Variants in EXOC6B observed in about 807,000 individuals in gnomAD.
The protein encoded by EXOC6B is exocyst complex component 6B.
A neutral mutation model predicts 113.5 loss-of-function variants in EXOC6B; 54 were observed. The ratio of observed to expected loss-of-function variants is 0.48; its 90% confidence interval spans 0.38 to 0.60. The LOEUF (loss-of-function observed/expected upper bound fraction) is 0.60, where lower values mean the gene tolerates loss of function less well. Ranked by LOEUF, EXOC6B falls within the 20% of genes least tolerant of loss-of-function variation. The pLI is 0.00. For synonymous variants in EXOC6B, 357 were observed against 339.0 expected, an observed-to-expected ratio of 1.05 and a Z score of -0.58; for missense variants, 797 against 977.5, an observed-to-expected ratio of 0.82 and a Z score of 2.46.
intron 17 of EXOC6B, among the ~76,000 whole-genome samples, chr2:72,470,253 T>C (rs1234176399): frequency 6.6e-6 from 1 of 152,188 alleles, no homozygotes; most frequent in Non-Finnish European, 1.5e-5. Flanking sequence ...CTTCCGTTTC[T>C]TTCATCAGTG....
At chr2:72,298,285 A>T (rs879746060) in intron 20 of EXOC6B, among the ~76,000 whole-genome samples, 1 of 152,018 alleles carries the variant, frequency 6.6e-6, no homozygotes, top group Non-Finnish European at 1.5e-5. Context: ...AGTCTGTTTT[A>T]TCAGAGACTA....
At chr2:72,279,977 G>T (rs1412375549) in intron 20 of EXOC6B, among the ~76,000 whole-genome samples, 1 of 151,944 alleles carries the variant, frequency 6.6e-6, no homozygotes, top group Non-Finnish European at 1.5e-5. Flanking sequence ...CATGACTGAG[G>T]AATAACAACA....
intron 2 of EXOC6B, among the ~76,000 whole-genome samples, chr2:72,741,028 C>T (rs1681283489): frequency 6.6e-6 from 1 of 151,722 alleles, no homozygotes; most frequent in African/African-American, 2.4e-5. Context: ...GGCGTGAACC[C>T]AGGAGGCGGA....
At chr2:72,413,805 C>T (rs1376454416) in intron 18 of EXOC6B, among the ~76,000 whole-genome samples, 1 of 152,140 alleles carries the variant, frequency 6.6e-6, no homozygotes, top group Admixed American at 6.5e-5. Context: ...GCTGGGATTA[C>T]AGACTGTATG....
intron 1 of EXOC6B, among the ~76,000 whole-genome samples, chr2:72,810,356 T>C (rs978422275): frequency 1.5e-5 from 2 of 131,676 alleles, no homozygotes; most frequent in Admixed American, 7.5e-5. Flanking sequence ...AATAAATAAA[T>C]AAATAAATAA....
chr2:72,722,585 G>GAA (rs1680079128), intron 5 of EXOC6B, among the ~76,000 whole-genome samples: 1 of 152,080 alleles, frequency 6.6e-6, no homozygotes, highest in Non-Finnish European at 1.5e-5. Context: ...TACAAATATA[G>GAA]TTAAATCTGA....
At chr2:72,270,798 T>A (rs1684433875) in intron 20 of EXOC6B, among the ~76,000 whole-genome samples, 1 of 152,082 alleles carries the variant, frequency 6.6e-6, no homozygotes, top group African/African-American at 2.4e-5. Flanking sequence ...CTTCAAAAAT[T>A]ATGATGATCA....
intron 6 of EXOC6B, among the ~76,000 whole-genome samples, chr2:72,579,660 A>G (rs1705076624): frequency 6.6e-6 from 1 of 152,178 alleles, no homozygotes; most frequent in South Asian, 2.1e-4. Flanking sequence ...CATTAAATAA[A>G]CATTTATTGT....
intron 20 of EXOC6B, among the ~76,000 whole-genome samples, chr2:72,260,976 T>C (rs934934971): frequency 5.3e-5 from 8 of 152,206 alleles, no homozygotes; most frequent in Admixed American, 1.3e-4. Context: ...ATGACCTCCC[T>C]CTGTCTGTTC....
At chr2:72,751,930 T>C (rs1466634662) in intron 1 of EXOC6B, among the ~76,000 whole-genome samples, 1 of 152,180 alleles carries the variant, frequency 6.6e-6, no homozygotes, top group Non-Finnish European at 1.5e-5. Flanking sequence ...GTTACATCTA[T>C]CAAACATTTA....
intron 18 of EXOC6B, among the ~76,000 whole-genome samples, chr2:72,384,832 G>C (rs191231229): frequency 6.6e-6 from 1 of 151,908 alleles, no homozygotes; most frequent in East Asian, 1.9e-4. Flanking sequence ...ATATTTAAAA[G>C]TATAAAACAA....
Position 72,201,005 on chromosome 2 carries a change from T to C in EXOC6B, c.2197-16818A>G, listed in dbSNP as rs536171823. ...TTCACCTTCCTGATGAAGGCTGCTA[T>C]CATGATTTTGTTATGTATCTGCTAT... is the stretch of plus-strand genomic sequence containing the variant. On this transcript the variant is annotated intron_variant, in intron 20 of 21. Coordinates refer to ENST00000272427, the MANE Select transcript of EXOC6B (RefSeq NM_015189.3). Among the ~76,000 whole-genome samples, 3 of 152,260 alleles carry C rather than the reference T, an allele frequency of 2.0e-5. No homozygotes were observed. In the South Asian group the frequency reaches 6.2e-4, roughly 32 times the overall value.
intron 20 of EXOC6B, among the ~76,000 whole-genome samples, chr2:72,274,140 GTGTC>G (rs1482190841): frequency 6.6e-6 from 1 of 152,156 alleles, no homozygotes; most frequent in Admixed American, 6.6e-5. Context: ...CTATCTGAAT[GTGTC>G]TGTAAGTTGG....
intron 20 of EXOC6B, among the ~76,000 whole-genome samples, chr2:72,236,763 T>C (rs1681982160): frequency 1.3e-5 from 2 of 152,026 alleles, no homozygotes; most frequent in African/African-American, 2.4e-5. Context: ...AATAGATTAA[T>C]AGTGGGACAA....
At chr2:72,610,022 A>C (rs904358168) in intron 6 of EXOC6B, among the ~76,000 whole-genome samples, 2 of 152,172 alleles carry the variant, frequency 1.3e-5, no homozygotes, top group Admixed American at 6.5e-5. Flanking sequence ...AGCCTTTGAA[A>C]ATAAAGATGG....
chr2:72,360,812 A>T (rs1690264416), intron 19 of EXOC6B, among the ~76,000 whole-genome samples: 1 of 151,810 alleles, frequency 6.6e-6, no homozygotes, highest in Non-Finnish European at 1.5e-5. Flanking sequence ...AAATGCAAGG[A>T]TAGTAAAAGA....
chr2:72,288,887 T>C (rs867696450), intron 20 of EXOC6B: 6 of 222,422 alleles, frequency 2.7e-5, no homozygotes, highest in South Asian at 7.2e-5. Context: ...TTTAAAATCA[T>C]TGAAAATCAC....
chr2:72,460,908 C>T (rs921230972), intron 18 of EXOC6B, among the ~76,000 whole-genome samples: 9 of 150,912 alleles, frequency 6.0e-5, no homozygotes, highest in South Asian at 2.1e-4. Context: ...CACATGCACA[C>T]GTATGTTTAT....
intron 17 of EXOC6B, among the ~76,000 whole-genome samples, chr2:72,466,093 C>A (rs1392408187): frequency 1.3e-5 from 2 of 151,920 alleles, no homozygotes; most frequent in Admixed American, 6.6e-5. Context: ...GCGTGTAATC[C>A]CAGAACTTTG....
Sources: allele counts gnomAD v4.1 joint callset (sites outside exome capture counted in the v4.1 genomes callset), GRCh38; gene constraint gnomAD v4.1.1; transcripts MANE v1.5; gene names NCBI Gene and HGNC (gene_info 2026-07-23, HGNC 2026-07-21).